PTK7: variants seen among roughly 807,000 people sequenced by gnomAD.
PTK7 encodes the protein inactive tyrosine-protein kinase 7.
A neutral mutation model predicts 116.6 loss-of-function variants in PTK7; 39 were observed. The observed-to-expected ratio is 0.33, with a 90% confidence interval of 0.26 to 0.44. The LOEUF is 0.44. Among genes scored for constraint, PTK7 ranks in the 20% least tolerant of loss-of-function variants. PTK7 has a pLI of 1.00. For missense variants in PTK7, 1,169 were observed against 1,425.6 expected, an observed-to-expected ratio of 0.82 and a Z score of 2.90; for synonymous variants, 546 against 563.6, an observed-to-expected ratio of 0.97 and a Z score of 0.44.
intron 1 of PTK7, among the ~76,000 whole-genome samples, chr6:43,116,682 A>C (rs375772051): frequency 1.3e-5 from 2 of 151,582 alleles, no homozygotes; most frequent in African/African-American, 2.4e-5. Flanking sequence ...ATATGGATAC[A>C]TGTACATGTG....
chr6:43,107,339 C>T (rs1767954233), intron 1 of PTK7, among the ~76,000 whole-genome samples: 1 of 152,196 alleles, frequency 6.6e-6, no homozygotes, highest in African/African-American at 2.4e-5. Context: ...GATAGACTTT[C>T]CTCAGGCCAG....
At chr6:43,106,649 C>CT (rs1767902621) in intron 1 of PTK7, among the ~76,000 whole-genome samples, 1 of 133,024 alleles carries the variant, frequency 7.5e-6, no homozygotes, top group Admixed American at 8.4e-5. Context: ...TTCCTCCCTG[C>CT]CTTTTTTTTT....
At chr6:43,130,137 T>G (rs1254246345) in intron 3 of PTK7, 93 bp from the exon 4 acceptor site, 10 of 1,319,200 alleles carry the variant, frequency 7.6e-6, no homozygotes, top group African/African-American at 1.5e-5. Context: ...ATGTATAAAC[T>G]GAAAGGTCTA....
chr6:43,147,790 C>T (rs1277183180), intron 17 of PTK7, among the ~76,000 whole-genome samples: 1 of 152,202 alleles, frequency 6.6e-6, no homozygotes, highest in Non-Finnish European at 1.5e-5. Context: ...GACACCACAC[C>T]CCTACCTCCT....
intron 1 of PTK7, among the ~76,000 whole-genome samples, chr6:43,093,677 T>A (rs1767081785): frequency 6.6e-6 from 1 of 152,144 alleles, no homozygotes; most frequent in African/African-American, 2.4e-5. Context: ...CTGAATGCCA[T>A]TGTCACTGGT....
intron 1 of PTK7, among the ~76,000 whole-genome samples, chr6:43,125,047 CA>C (rs1769206912): frequency 6.6e-6 from 1 of 152,148 alleles, no homozygotes; most frequent in Admixed American, 6.5e-5. Context: ...TAGCTCATGC[CA>C]GTAATTCCAG....
intron 1 of PTK7, among the ~76,000 whole-genome samples, chr6:43,087,891 G>A (rs1766744563): frequency 1.3e-5 from 2 of 152,198 alleles, no homozygotes; most frequent in African/African-American, 4.8e-5. Flanking sequence ...GGGTATTAGG[G>A]TATAATTTTC....
intron 7 of PTK7, among the ~76,000 whole-genome samples, chr6:43,137,529 G>A (rs1158746424): frequency 6.6e-6 from 1 of 152,200 alleles, no homozygotes; most frequent in Non-Finnish European, 1.5e-5. Flanking sequence ...TGAGATGCCT[G>A]TTGGATATCC....
intron 7 of PTK7, among the ~76,000 whole-genome samples, chr6:43,136,337 A>T (rs548480204): frequency 6.6e-6 from 1 of 150,908 alleles, no homozygotes; most frequent in East Asian, 1.9e-4. Context: ...TCCAACTCAA[A>T]AAAAAAAAAA....
intron 17 of PTK7, among the ~76,000 whole-genome samples, chr6:43,150,816 TC>T (rs60761462): frequency 0.024 from 1,677 of 68,524 alleles, 375 homozygotes; most frequent in Middle Eastern, 0.034. Flanking sequence ...TTTTTTTTTT[TC>T]CCGAGACAGA....
Position 43,077,539 on chromosome 6 carries a change from A to T in PTK7, c.79+972A>T, listed in dbSNP as rs545297713. On this transcript the variant is annotated intron_variant, in intron 1 of 19. Coordinates refer to ENST00000230419, the MANE Select transcript of PTK7 (RefSeq NM_002821.5). Reference sequence around the variant, plus strand: ...CCTGGCTTGGTCACACCTAAGAGTCATCACTGAGGTGTTGAAGTGCCTTAC... The same window carrying T: ...CCTGGCTTGGTCACACCTAAGAGTCTTCACTGAGGTGTTGAAGTGCCTTAC... Among the ~76,000 whole-genome samples, 13 of 152,250 alleles carry T rather than the reference A, an allele frequency of 8.5e-5. No individual in the cohort carries two copies. In the East Asian group the frequency reaches 2.3e-3, roughly 27 times the overall value.
intron 10 of PTK7, among the ~76,000 whole-genome samples, chr6:43,140,029 G>T (rs751989334): frequency 2.6e-5 from 4 of 152,172 alleles, no homozygotes; most frequent in Non-Finnish European, 4.4e-5. Context: ...CAGGAGAATC[G>T]CTTGAACCCA....
rs1770615614 is a variant in PTK7, at chr6:43,144,561, A to G, written c.2362A>G (p.Lys788Glu). The change falls in exon 15 of 20, where the codon AAG becomes GAG. Residue 788 changes from lysine to glutamate, a missense_variant. Transcript: ENST00000230419. ...ATNKRHSTSD[K>E]MHFPRSSLQP... ...CAACAAACGCCACAGCACAAGTGAT[A>G]AGATGCACTTCCCACGGTCTAGCCT... 1 of 1,614,050 alleles carries G rather than the reference A, an allele frequency of 6.2e-7. No individual in the cohort carries two copies. Among genetic ancestry groups the G allele is most frequent in the Non-Finnish European group, 8.5e-7 (1 of 1,180,008 alleles).
At chr6:43,122,866 C>T (rs1032955675) in intron 1 of PTK7, among the ~76,000 whole-genome samples, 4 of 152,144 alleles carry the variant, frequency 2.6e-5, no homozygotes, top group East Asian at 1.9e-4. Context: ...CTTGGACTCC[C>T]AAAGTGTTGG....
chr6:43,129,414 A>G lies in PTK7; in HGVS notation c.367+150A>G. On this transcript the variant is annotated intron_variant, in intron 2 of 19. Transcript: ENST00000230419. This position sits in a 1 kb window ranked among gnomAD's most constrained non-coding sequence, Gnocchi z 4.5. ...TCATCAGCTTTTTTTGCTCATGTGG[A>G]TAAGAGGAAATTAAAAGTTATATTT... The G allele has an allele frequency of 9.2e-7, 1 of 1,083,180 alleles. No individual in the cohort carries two copies. The allele number at this position is 1,083,180 out of a possible 1,614,324, so 67.1% of individuals were successfully genotyped here.
intron 17 of PTK7, among the ~76,000 whole-genome samples, chr6:43,157,375 T>TTG (rs1771557942): frequency 1.2e-5 from 1 of 86,132 alleles, no homozygotes; most frequent in Non-Finnish European, 2.2e-5. Flanking sequence ...TTTTTTTTTT[T>TTG]CTTTTTTTTT....
chr6:43,088,305 CA>C (rs1278561090), intron 1 of PTK7, among the ~76,000 whole-genome samples: 8 of 151,930 alleles, frequency 5.3e-5, no homozygotes, highest in African/African-American at 1.7e-4. Context: ...GACCTTGTCT[CA>C]AAAAACAAAG....
chr6:43,086,495 G>A (rs1766666911), intron 1 of PTK7, among the ~76,000 whole-genome samples: 1 of 151,912 alleles, frequency 6.6e-6, no homozygotes, highest in Admixed American at 6.6e-5. Flanking sequence ...GACTGCTGAG[G>A]TGTCCCAGCA....
intron 1 of PTK7, among the ~76,000 whole-genome samples, chr6:43,087,958 A>G (rs1017837142): frequency 6.6e-6 from 1 of 152,166 alleles, no homozygotes; most frequent in Non-Finnish European, 1.5e-5. Flanking sequence ...AGGGAAAGAA[A>G]CTGAGGCACA....
Sources: allele counts gnomAD v4.1 joint callset (sites outside exome capture counted in the v4.1 genomes callset), GRCh38; gene constraint gnomAD v4.1.1; non-coding constraint Gnocchi (gnomAD v3.1); transcripts MANE v1.5; gene names NCBI Gene and HGNC (gene_info 2026-07-23, HGNC 2026-07-21).